Variants in MAF observed in about 807,000 individuals in gnomAD.
The protein encoded by MAF is MAF bZIP transcription factor.
A neutral mutation model predicts 22.0 loss-of-function variants in MAF; 10 were observed. The ratio of observed to expected loss-of-function variants is 0.45; its 90% CI spans 0.28 to 0.77. The LOEUF is 0.77. Among genes scored for constraint, MAF ranks in the 30% least tolerant of loss-of-function variants. The pLI, the probability that MAF is intolerant of heterozygous loss-of-function variation, is 0.12. For missense variants in MAF, 544 were observed against 548.4 expected (o/e 0.99, Z 0.08); for synonymous variants, 337 against 255.8 (o/e 1.32, Z -3.03).
chr16:79,368,289 T>G, the MAF span, among the ~76,000 whole-genome samples: 1 of 152,140 alleles, frequency 6.6e-6, no homozygotes, highest in South Asian at 2.1e-4. Flanking sequence ...CTCCAGATTC[T>G]ATCTGCTTGA....
At chr16:79,287,702 CATTCACTCATTCATTT>C in the MAF span, among the ~76,000 whole-genome samples, 20 of 152,102 alleles carry the variant, frequency 1.3e-4, no homozygotes, top group Non-Finnish European at 2.5e-4. Context: ...CTCATTCTTT[CATTCACTCATTCATTT>C]ATTCACTCAT....
chr16:79,221,380 C>T, the MAF span, among the ~76,000 whole-genome samples: 4 of 152,146 alleles, frequency 2.6e-5, no homozygotes, highest in African/African-American at 9.7e-5. Flanking sequence ...AATCCAGAAC[C>T]TTCCAGAAGC....
At chr16:79,464,976 G>A in the MAF span, among the ~76,000 whole-genome samples, 1 of 152,218 alleles carries the variant, frequency 6.6e-6, no homozygotes, top group South Asian at 2.1e-4. Context: ...AATGAGAAAT[G>A]TGGCTGAGTA....
At chr16:79,571,273 A>T in the MAF span, among the ~76,000 whole-genome samples, 1 of 152,126 alleles carries the variant, frequency 6.6e-6, no homozygotes, top group South Asian at 2.1e-4. Flanking sequence ...TTGAAGAATC[A>T]GCTCCACCCT....
At chr16:79,502,993 A>G in the MAF span, among the ~76,000 whole-genome samples, 1 of 151,988 alleles carries the variant, frequency 6.6e-6, no homozygotes. Flanking sequence ...GCTTTTATCA[A>G]AGGAATTGGG....
the MAF span, among the ~76,000 whole-genome samples, chr16:79,281,830 C>T: frequency 1.3e-5 from 2 of 152,108 alleles, no homozygotes; most frequent in Non-Finnish European, 2.9e-5. Context: ...AAATCCATTA[C>T]AATCCTTTAC....
At chr16:79,337,754 A>G in the MAF span, among the ~76,000 whole-genome samples, 2 of 152,204 alleles carry the variant, frequency 1.3e-5, no homozygotes, top group Admixed American at 6.5e-5. Flanking sequence ...CTTTCTCAGC[A>G]TAGTGGCAGG....
At chr16:79,360,067 G>A in the MAF span, among the ~76,000 whole-genome samples, 2 of 152,244 alleles carry the variant, frequency 1.3e-5, no homozygotes, top group Admixed American at 1.3e-4. Flanking sequence ...TGCAAGGAAG[G>A]ACTTCCTGAC....
the MAF span, among the ~76,000 whole-genome samples, chr16:79,498,390 T>A: frequency 1.3e-5 from 2 of 152,200 alleles, no homozygotes; most frequent in Non-Finnish European, 2.9e-5. Flanking sequence ...ATAATCTGTA[T>A]GTGTGATGAA....
the MAF span, among the ~76,000 whole-genome samples, chr16:79,577,564 A>T: frequency 6.6e-6 from 1 of 152,064 alleles, no homozygotes; most frequent in Admixed American, 6.5e-5. Flanking sequence ...TAGCCCATGG[A>T]GGTTTTGGGT....
chr16:79,204,195 A>AG, the MAF span: 1 of 152,174 alleles, frequency 6.6e-6, no homozygotes, highest in Non-Finnish European at 1.5e-5. Context: ...TGAGCAATGT[A>AG]GGTATCCCAG....
chr16:79,395,103 G>A, the MAF span, among the ~76,000 whole-genome samples: 1 of 152,216 alleles, frequency 6.6e-6, no homozygotes, highest in East Asian at 1.9e-4. Context: ...GAACGCAAGA[G>A]CCAAGGGCCT....
chr16:79,302,961 A>G, the MAF span, among the ~76,000 whole-genome samples: 1 of 152,250 alleles, frequency 6.6e-6, no homozygotes, highest in Non-Finnish European at 1.5e-5. Context: ...AACAAACAAA[A>G]GCCTAATGAC....
chr16:79,594,532 C>T lies in MAF; in HGVS notation c.1140G>A (p.Leu380=). 6.4e-7 allele frequency: 1 copy of T among 1,564,166 alleles called. No homozygotes were observed. Among genetic ancestry groups the T allele is most frequent in the Non-Finnish European group, 8.7e-7 (1 of 1,151,826 alleles). ...ATGTGGCGTATCCCACTGATGGCTC[C>T]AACTTGCGAGTGGGCTCAGTTCTGT... The part of the protein sequence containing the change: ...EFFITEPTRK[L]EPSVGYATFW... Residue 380 remains leucine, a synonymous_variant, in exon 2 of 2, where the codon TTG becomes TTA. Transcript: ENST00000326043.
At chr16:79,224,456 A>G in the MAF span, among the ~76,000 whole-genome samples, 1 of 152,198 alleles carries the variant, frequency 6.6e-6, no homozygotes, top group African/African-American at 2.4e-5. Flanking sequence ...GCACAAGACA[A>G]GGATGCCCTC....
At chr16:79,482,466 G>C in the MAF span, among the ~76,000 whole-genome samples, 3 of 152,176 alleles carry the variant, frequency 2.0e-5, no homozygotes, top group Non-Finnish European at 4.4e-5. Flanking sequence ...TGGATGCCAA[G>C]TGATGCTATC....
At chr16:79,281,436 G>A in the MAF span, among the ~76,000 whole-genome samples, 2 of 152,034 alleles carry the variant, frequency 1.3e-5, no homozygotes, top group African/African-American at 2.4e-5. Context: ...TATTTAAGGT[G>A]AGCCTTGCTT....
the MAF span, among the ~76,000 whole-genome samples, chr16:79,564,295 T>G: frequency 6.6e-6 from 1 of 152,194 alleles, no homozygotes; most frequent in Non-Finnish European, 1.5e-5. Flanking sequence ...GAAGACTTCT[T>G]TTTTGCATTT....
the MAF span, among the ~76,000 whole-genome samples, chr16:79,418,096 C>T: frequency 3.9e-5 from 6 of 152,002 alleles, no homozygotes; most frequent in African/African-American, 1.5e-4. Context: ...GTGCAACTGG[C>T]CTGAGGAAGA....
Sources: allele counts gnomAD v4.1 joint callset (sites outside exome capture counted in the v4.1 genomes callset), GRCh38; gene constraint gnomAD v4.1.1; transcripts MANE v1.5; gene names NCBI Gene and HGNC (gene_info 2026-07-23, HGNC 2026-07-21).